PLCB1: variants seen among roughly 807,000 people sequenced by gnomAD.
The protein encoded by PLCB1 is phospholipase C beta 1, also known as 1-phosphatidylinositol 4,5-bisphosphate phosphodiesterase beta-1.
A neutral mutation model predicts 161.8 loss-of-function variants in PLCB1; 46 were observed. The observed-to-expected ratio is 0.28, with a 90% CI of 0.22 to 0.36. The LOEUF (loss-of-function observed/expected upper bound fraction) is 0.36. PLCB1 is among the 10% of genes least tolerant of loss of function. PLCB1 has a pLI of 1.00. For missense variants in PLCB1, 1,016 were observed against 1,472.5 expected, an observed-to-expected ratio of 0.69 and a Z score of 5.07; for synonymous variants, 517 against 503.7, an observed-to-expected ratio of 1.03 and a Z score of -0.35.
In PLCB1 at chr20:8,184,229, TTTAA is replaced by T. The variant is rs146716931; in HGVS notation, c.177+33863_177+33866del. 2.0e-4 allele frequency among the ~76,000 whole-genome samples: 30 copies of T among 152,286 alleles called. No homozygotes were observed. The East Asian group carries it at 2.9e-3, about 15-fold the overall frequency. On this transcript the variant is annotated intron_variant, in intron 2 of 31. Transcript: ENST00000338037. Reference sequence around the variant, plus strand: ...AACTAGAATATAGGATGCATACTAATTTAATTAACATCTTAAATTTAACTTTACT... The same window carrying T: ...AACTAGAATATAGGATGCATACTAATTTAACATCTTAAATTTAACTTTACT...
intron 3 of PLCB1, among the ~76,000 whole-genome samples, chr20:8,483,582 T>G (rs918845991): frequency 1.3e-5 from 2 of 152,308 alleles, no homozygotes; most frequent in South Asian, 2.1e-4. Flanking sequence ...GACAGTTTTT[T>G]GGGGAGATCT....
intron 2 of PLCB1, among the ~76,000 whole-genome samples, chr20:8,368,006 C>T (rs1986772748): frequency 6.6e-6 from 1 of 152,140 alleles, no homozygotes; most frequent in African/African-American, 2.4e-5. Flanking sequence ...ATGACAGTGC[C>T]CTGCGGTGGT....
chr20:8,328,789 A>G (rs1172132843), intron 2 of PLCB1, among the ~76,000 whole-genome samples: 1 of 152,172 alleles, frequency 6.6e-6, no homozygotes, highest in Non-Finnish European at 1.5e-5. Flanking sequence ...CTAGGCTTCT[A>G]GAGGACTCCC....
rs551993965 is a variant in PLCB1 at position 8,738,741 on chromosome 20, T to C, written c.2209-520T>C. On this transcript the variant is annotated intron_variant, in intron 20 of 31. Transcript: ENST00000338037. ...CTCATTAAGGCAAGGTGATAAAACATAGATGAAGCCCTATCTCTGGCAACC... is the reference window on the plus strand; with the variant it reads ...CTCATTAAGGCAAGGTGATAAAACACAGATGAAGCCCTATCTCTGGCAACC... Among the ~76,000 whole-genome samples, 3 of 152,326 alleles carry C rather than the reference T, an allele frequency of 2.0e-5. No homozygotes were observed. The South Asian group carries it at 6.2e-4, about 32-fold the overall frequency.
intron 31 of PLCB1, among the ~76,000 whole-genome samples, chr20:8,842,082 G>T (rs1281636510): frequency 2.0e-5 from 3 of 152,070 alleles, no homozygotes; most frequent in African/African-American, 7.2e-5. Flanking sequence ...ACAAGGAAAT[G>T]ATGACATCAG....
At chr20:8,522,089 T>G (rs1391468751) in intron 3 of PLCB1, among the ~76,000 whole-genome samples, 1 of 152,172 alleles carries the variant, frequency 6.6e-6, no homozygotes. Flanking sequence ...ATAGGCAGTC[T>G]GCTACTATCC....
intron 3 of PLCB1, among the ~76,000 whole-genome samples, chr20:8,605,314 ATTC>A (rs1298648656): frequency 6.6e-6 from 1 of 152,036 alleles, no homozygotes; most frequent in Non-Finnish European, 1.5e-5. Context: ...AACGAGAAAT[ATTC>A]TTCTACAATA....
At chr20:8,861,375 A>G (rs1987247770) in intron 31 of PLCB1, among the ~76,000 whole-genome samples, 1 of 152,224 alleles carries the variant, frequency 6.6e-6, no homozygotes, top group Admixed American at 6.5e-5. Context: ...TGGTGAGTTC[A>G]GTCATTTTCT....
intron 27 of PLCB1, among the ~76,000 whole-genome samples, chr20:8,782,719 T>C (rs561532825): frequency 3.5e-4 from 53 of 152,314 alleles, no homozygotes; most frequent in African/African-American, 1.3e-3. Context: ...GTAAATTAAT[T>C]TCTTGTAGAA....
chr20:8,193,343 A>G (rs762080974), intron 2 of PLCB1, among the ~76,000 whole-genome samples: 28 of 152,004 alleles, frequency 1.8e-4, no homozygotes, highest in Non-Finnish European at 3.5e-4. Flanking sequence ...AATATTTGAA[A>G]ATGGAAACTG....
At chr20:8,532,666 T>C (rs1370517774) in intron 3 of PLCB1, among the ~76,000 whole-genome samples, 1 of 152,028 alleles carries the variant, frequency 6.6e-6, no homozygotes. Context: ...GATTAAAAGA[T>C]AATCCCGGTT....
intron 2 of PLCB1, among the ~76,000 whole-genome samples, chr20:8,284,017 A>G (rs190422393): frequency 7.2e-4 from 109 of 152,032 alleles, no homozygotes; most frequent in African/African-American, 2.5e-3. Flanking sequence ...CAATATTTAT[A>G]TTCTTGGAAA....
chr20:8,782,967 TCTC>T (rs944013694), intron 27 of PLCB1, among the ~76,000 whole-genome samples: 3 of 152,212 alleles, frequency 2.0e-5, no homozygotes, highest in South Asian at 2.1e-4. Flanking sequence ...AAGGAATTAT[TCTC>T]CTCCATGGAA....
intron 2 of PLCB1, among the ~76,000 whole-genome samples, chr20:8,358,184 C>T (rs1437855354): frequency 7.0e-6 from 1 of 143,520 alleles, no homozygotes; most frequent in Non-Finnish European, 1.5e-5. Context: ...TACCTGCTTT[C>T]CTTGTACTCC....
chr20:8,610,833 T>C (rs2123170274), intron 3 of PLCB1, among the ~76,000 whole-genome samples: 1 of 152,160 alleles, frequency 6.6e-6, no homozygotes. Context: ...ATCTTTAGAG[T>C]TTTAGCTCTT....
rs957436764 is a variant in PLCB1 at position 8,724,658 on chromosome 20, G to A, written c.1584G>A (p.Gly528=). The change falls in exon 16 of 32, where the codon GGG becomes GGA. Residue 528 remains glycine (G), a splice_region_variant and synonymous_variant. Coordinates refer to ENST00000338037, the MANE Select transcript of PLCB1 (RefSeq NM_015192.4). ...DDCKKSSMDE[G]TAGSEAMATE... is the part of the protein sequence containing the mutation. ...TTCTTTTTTATTCCTACTTCCAGGG[G>A]ACTGCTGGAAGTGAGGCTATGGCCA... 9 of 1,566,322 alleles carry A rather than the reference G, an allele frequency of 5.7e-6. No individual in the cohort carries two copies. Among genetic ancestry groups the A allele is most frequent in the Admixed American group, 1.7e-5 (1 of 59,468 alleles).
chr20:8,171,422 T>A (rs1488188049), intron 2 of PLCB1, among the ~76,000 whole-genome samples: 1 of 152,142 alleles, frequency 6.6e-6, no homozygotes, highest in Non-Finnish European at 1.5e-5. Context: ...TGTTGTTGTA[T>A]GGGAGAGGTA....
At chr20:8,285,677 T>G (rs1262554074) in intron 2 of PLCB1, among the ~76,000 whole-genome samples, 1 of 152,074 alleles carries the variant, frequency 6.6e-6, no homozygotes, top group Non-Finnish European at 1.5e-5. Context: ...ACGGCATTAT[T>G]GAAATGAAGC....
intron 3 of PLCB1, among the ~76,000 whole-genome samples, chr20:8,472,209 ATAT>A (rs1201460128): frequency 1.3e-5 from 2 of 152,220 alleles, no homozygotes; most frequent in African/African-American, 4.8e-5. Context: ...GATTGTAAAG[ATAT>A]TATTGTTTGC....
Sources: gnomAD v4.1 joint callset for allele counts (sites outside exome capture counted in the v4.1 genomes callset) on GRCh38, gnomAD v4.1.1 for gene constraint, MANE v1.5 for transcripts, NCBI Gene and HGNC (gene_info 2026-07-23, HGNC 2026-07-21) for gene names.